The following RANBP3L variants were observed in gnomAD, a reference collection of about 807,000 sequenced individuals.
RANBP3L encodes the protein RAN binding protein 3 like.
RANBP3L carries 56 observed loss-of-function variants against 67.2 expected under a neutral mutation model. The ratio of observed to expected loss-of-function variants is 0.83; its 90% CI spans 0.67 to 1.04. The LOEUF (loss-of-function observed/expected upper bound fraction) is 1.04. Among genes scored for constraint, RANBP3L ranks in the 50% least tolerant of loss-of-function variants. RANBP3L has a pLI of 0.00. For missense variants in RANBP3L, 496 were observed against 535.5 expected (o/e 0.93, Z 0.73); for synonymous variants, 164 against 181.4 (o/e 0.90, Z 0.77).
chr5:36,273,474 A>G (rs575892340), intron 1 of RANBP3L, among the ~76,000 whole-genome samples: 1 of 152,306 alleles, frequency 6.6e-6, no homozygotes, highest in South Asian at 2.1e-4. Flanking sequence ...CTAGGGACAC[A>G]TGGTCTAATT....
At chr5:36,249,968 G>A (rs1748483029) in intron 13 of RANBP3L, among the ~76,000 whole-genome samples, 4 of 151,860 alleles carry the variant, frequency 2.6e-5, no homozygotes, top group Admixed American at 2.6e-4. Flanking sequence ...CTGCCTCCTG[G>A]AGAAGATACT....
At chr5:36,298,172 T>A (rs1429495165) in intron 1 of RANBP3L, among the ~76,000 whole-genome samples, 1 of 151,594 alleles carries the variant, frequency 6.6e-6, no homozygotes, top group South Asian at 2.1e-4. Flanking sequence ...TGGTGGAGTG[T>A]GCCTGTAGTC....
At position 36,251,301 on chromosome 5, in the gene RANBP3L, A is replaced by G; in HGVS notation, c.1354+12T>C. 6.2e-7 allele frequency: 1 copy of G among 1,601,782 alleles called. No homozygotes were observed. The highest frequency in any genetic ancestry group is 1.3e-5 in the African/African-American group (1 of 74,534). ...TTTAAACCTCTGAACTAACAAAACA[A>G]AAGCTATTTACCTGATCCATTTTTA... On this transcript the variant is annotated intron_variant, in intron 13 of 13. Transcript: ENST00000296604.
intron 1 of RANBP3L, among the ~76,000 whole-genome samples, chr5:36,278,908 C>T (rs1164725265): frequency 6.6e-6 from 1 of 152,088 alleles, no homozygotes; most frequent in Non-Finnish European, 1.5e-5. Flanking sequence ...GAAAAGGTCA[C>T]CGGTTGAGAT....
At chr5:36,290,342 G>A (rs183078154) in intron 1 of RANBP3L, among the ~76,000 whole-genome samples, 4 of 151,300 alleles carry the variant, frequency 2.6e-5, no homozygotes, top group African/African-American at 9.7e-5. Context: ...TCAGCCTCCT[G>A]AATAGCTGGG....
Position 36,251,298 on chromosome 5 carries a change from A to C in RANBP3L, c.1354+15T>G, listed in dbSNP as rs750637615. ...TTTTTTAAACCTCTGAACTAACAAA[A>C]CAAAAGCTATTTACCTGATCCATTT... On this transcript the variant is annotated intron_variant, in intron 13 of 13. Coordinates refer to ENST00000296604, the MANE Select transcript of RANBP3L (RefSeq NM_145000.5). The C allele has an allele frequency of 2.0e-5, 32 of 1,601,456 alleles. No homozygotes were observed. The Admixed American group carries it at 4.1e-4, about 20-fold the overall frequency.
At chr5:36,299,141 A>G (rs1752439140) in intron 1 of RANBP3L, among the ~76,000 whole-genome samples, 1 of 152,020 alleles carries the variant, frequency 6.6e-6, no homozygotes, top group African/African-American at 2.4e-5. Flanking sequence ...CTCTCTTGCT[A>G]TTTGTCCTTG....
At chr5:36,284,180 T>C (rs1751173438) in intron 1 of RANBP3L, among the ~76,000 whole-genome samples, 1 of 152,192 alleles carries the variant, frequency 6.6e-6, no homozygotes, top group Non-Finnish European at 1.5e-5. Flanking sequence ...TTTATGTTCT[T>C]TTGAGGTGGC....
At chr5:36,268,555 A>G (rs1749973476) in intron 4 of RANBP3L, among the ~76,000 whole-genome samples, 1 of 152,184 alleles carries the variant, frequency 6.6e-6, no homozygotes, top group Non-Finnish European at 1.5e-5. Context: ...TAGATGCTGT[A>G]TTACAAGGTG....
intron 1 of RANBP3L, among the ~76,000 whole-genome samples, chr5:36,285,599 A>C (rs1297157312): frequency 2.0e-5 from 3 of 152,200 alleles, no homozygotes; most frequent in Non-Finnish European, 2.9e-5. Context: ...GTTGTAATTG[A>C]CTTTAGAAGA....
At chr5:36,290,610 T>C (rs1472920932) in intron 1 of RANBP3L, among the ~76,000 whole-genome samples, 1 of 151,120 alleles carries the variant, frequency 6.6e-6, no homozygotes, top group African/African-American at 2.4e-5. Flanking sequence ...AGGAGCAGAC[T>C]ACTTTCTCAT....
At chr5:36,259,271 C>T (rs1348218931) in intron 8 of RANBP3L, among the ~76,000 whole-genome samples, 1 of 152,100 alleles carries the variant, frequency 6.6e-6, no homozygotes, top group Non-Finnish European at 1.5e-5. Flanking sequence ...AAATGACTAA[C>T]ATATGAAAGC....
intron 1 of RANBP3L, among the ~76,000 whole-genome samples, chr5:36,296,515 A>T (rs1163765162): frequency 6.6e-6 from 1 of 152,194 alleles, no homozygotes; most frequent in East Asian, 1.9e-4. Context: ...TTGTAATACT[A>T]GAAATCATAG....
intron 1 of RANBP3L, among the ~76,000 whole-genome samples, chr5:36,272,987 G>A (rs1389473814): frequency 1.3e-5 from 2 of 152,026 alleles, no homozygotes; most frequent in South Asian, 2.1e-4. Flanking sequence ...GTCTTCCCTT[G>A]GAGCCAAGTG....
At position 36,271,977 on chromosome 5, in the gene RANBP3L, C is replaced by T. The variant is rs113313706; in HGVS notation, c.92-666G>A. The stretch of plus-strand genomic sequence containing the variant: ...AAGTGATAACAGCTTTAAATATCAA[C>T]GCTCCAGAATTCTTAAGAAATACTA... On this transcript the variant is annotated intron_variant, in intron 1 of 13. Transcript: ENST00000296604. Among the ~76,000 whole-genome samples the T allele has an allele frequency of 3.6e-3, 550 of 152,170 alleles. 8 individuals are homozygous for T. Among genetic ancestry groups the T allele is most frequent in the African/African-American group, 0.013 (523 of 41,516 alleles).
chr5:36,295,752 T>C (rs1752169057), intron 1 of RANBP3L, among the ~76,000 whole-genome samples: 1 of 151,398 alleles, frequency 6.6e-6, no homozygotes, highest in Admixed American at 6.6e-5. Flanking sequence ...CCATTAAACT[T>C]ATTTATTTAT....
chr5:36,283,263 G>T (rs1751096058), intron 1 of RANBP3L, among the ~76,000 whole-genome samples: 1 of 151,716 alleles, frequency 6.6e-6, no homozygotes, highest in Non-Finnish European at 1.5e-5. Flanking sequence ...TCAACATGTT[G>T]TCCAGGCTGG....
intron 1 of RANBP3L, among the ~76,000 whole-genome samples, 193 bp from the exon 2 acceptor site, chr5:36,271,504 C>A (rs1750210819): frequency 6.6e-6 from 1 of 151,984 alleles, no homozygotes; most frequent in Non-Finnish European, 1.5e-5. Flanking sequence ...GAAATAAATA[C>A]TTGGGGGAAA....
rs1216225294 is a variant in RANBP3L at position 36,271,345 on chromosome 5, A to G, written c.92-34T>C. ...AAAAAGAAAACAGGCAAGAAATCAA[A>G]GCATACTCTGACATTTCTTACATCA... On this transcript the variant is annotated intron_variant, in intron 1 of 13. Transcript: ENST00000296604. The G allele has an allele frequency of 5.3e-6, 7 of 1,329,768 alleles. No individual in the cohort carries two copies. In the South Asian group the frequency reaches 8.5e-5, roughly 16 times the overall value. 82.4% of individuals were successfully genotyped at this position (1,329,768 alleles called of 1,614,324 possible).
Sources: allele counts gnomAD v4.1 joint callset (sites outside exome capture counted in the v4.1 genomes callset), GRCh38; gene constraint gnomAD v4.1.1; transcripts MANE v1.5; gene names NCBI Gene and HGNC (gene_info 2026-07-23, HGNC 2026-07-21).